The following HNRNPC variants were observed in gnomAD, a reference collection of about 807,000 sequenced individuals.
HNRNPC encodes the protein heterogeneous nuclear ribonucleoprotein C, also known as heterogeneous nuclear ribonucleoproteins C1/C2.
In HNRNPC, 3 loss-of-function variants were observed where a neutral mutation model predicts 33.2. That is an observed-to-expected ratio of 0.09 (90% CI 0.04 to 0.23). HNRNPC has a LOEUF of 0.23. HNRNPC is among the 10% of genes least tolerant of loss of function. The pLI, the probability that HNRNPC is intolerant of heterozygous loss-of-function variation, is 1.00. For missense variants in HNRNPC, 143 were observed against 366.7 expected (o/e 0.39, Z 4.98); for synonymous variants, 121 against 126.7 (o/e 0.96, Z 0.30).
intron 2 of HNRNPC, among the ~76,000 whole-genome samples, chr14:21,248,771 G>T (rs1283161631): frequency 1.3e-5 from 2 of 152,192 alleles, no homozygotes; most frequent in Non-Finnish European, 2.9e-5. Context: ...TGGTCCGTAT[G>T]AACCCATACT....
At chr14:21,226,967 T>C (rs1201204302) in intron 5 of HNRNPC, among the ~76,000 whole-genome samples, 1 of 151,498 alleles carries the variant, frequency 6.6e-6, no homozygotes, top group Non-Finnish European at 1.5e-5. Context: ...AGAGCCAATT[T>C]CCCATCTTCT....
intron 2 of HNRNPC, among the ~76,000 whole-genome samples, chr14:21,260,799 C>T (rs1878103786): frequency 1.3e-5 from 2 of 152,024 alleles, no homozygotes; most frequent in South Asian, 2.1e-4. Flanking sequence ...CTCGTCACTA[C>T]TAAAAATACA....
At chr14:21,242,568 T>C (rs552481407) in intron 2 of HNRNPC, among the ~76,000 whole-genome samples, 19 of 152,340 alleles carry the variant, frequency 1.2e-4, no homozygotes, top group Non-Finnish European at 2.8e-4. Flanking sequence ...GTACTGTCGA[T>C]GTATGCTAAA....
At chr14:21,235,385 CAT>C (rs989690027) in intron 2 of HNRNPC, among the ~76,000 whole-genome samples, 6 of 152,042 alleles carry the variant, frequency 3.9e-5, no homozygotes, top group African/African-American at 1.4e-4. Context: ...CTAATGTATA[CAT>C]ATATGTACAT....
At chr14:21,265,551 G>GT (rs1566652335) in intron 1 of HNRNPC, 1 of 152,194 alleles carries the variant, frequency 6.6e-6, no homozygotes, top group South Asian at 2.1e-4. Flanking sequence ...GCTCACACCT[G>GT]TAATCCCAGC....
intron 5 of HNRNPC, among the ~76,000 whole-genome samples, chr14:21,226,805 A>T (rs1196011775): frequency 2.1e-5 from 3 of 145,068 alleles, no homozygotes; most frequent in Non-Finnish European, 3.0e-5. Context: ...GCCTGAACCC[A>T]GGAGGCAGAG....
intron 2 of HNRNPC, among the ~76,000 whole-genome samples, chr14:21,241,382 T>C (rs1433935455): frequency 6.6e-6 from 1 of 152,180 alleles, no homozygotes; most frequent in Non-Finnish European, 1.5e-5. Flanking sequence ...TTTCCCTTCT[T>C]TGCAGAATTT....
In HNRNPC at chr14:21,213,120, A is replaced by G; in HGVS notation, c.366-3T>C. On this transcript the variant is annotated splice_region_variant and splice_polypyrimidine_tract_variant and intron_variant, in intron 5 of 8. Coordinates refer to ENST00000553300, the MANE Select transcript of HNRNPC (RefSeq NM_004500.4). ...CACGTGCTGGGTAACTGTACATCCT[A>G]TTGGATAAGAGGAAAATGGAATTCA... 1 of 1,613,598 alleles carries G rather than the reference A, an allele frequency of 6.2e-7. No individual in the cohort carries two copies. Among genetic ancestry groups the G allele is most frequent in the East Asian group, 2.2e-5 (1 of 44,874 alleles).
At chr14:21,227,197 C>T (rs1893564550) in intron 5 of HNRNPC, among the ~76,000 whole-genome samples, 1 of 152,042 alleles carries the variant, frequency 6.6e-6, no homozygotes, top group South Asian at 2.1e-4. Flanking sequence ...CTGCCCCTCT[C>T]CCCACTAAAC....
chr14:21,246,255 A>G (rs543684076), intron 2 of HNRNPC, among the ~76,000 whole-genome samples: 1 of 152,224 alleles, frequency 6.6e-6, no homozygotes, highest in Admixed American at 6.5e-5. Context: ...CTAGCCATCT[A>G]TGAAAATAAA....
chr14:21,246,160 G>T (rs962347249), intron 2 of HNRNPC, among the ~76,000 whole-genome samples: 2 of 151,714 alleles, frequency 1.3e-5, no homozygotes, highest in African/African-American at 4.8e-5. Context: ...TAATATATGT[G>T]GTCTGTCATT....
chr14:21,237,042 TTTTAGAAAAGCAGTTAAAA>T (rs1437372301), intron 2 of HNRNPC, among the ~76,000 whole-genome samples: 1 of 152,100 alleles, frequency 6.6e-6, no homozygotes, highest in African/African-American at 2.4e-5. Flanking sequence ...AGGAACGAAA[TTTTAGAAAAGCAGTTAAAA>T]CTTAGAAGTT....
chr14:21,257,448 T>C (rs1389751782), intron 2 of HNRNPC, among the ~76,000 whole-genome samples: 2 of 151,914 alleles, frequency 1.3e-5, no homozygotes, highest in African/African-American at 2.4e-5. Flanking sequence ...TCAAGTGAGA[T>C]GAGGATTGAA....
intron 5 of HNRNPC, among the ~76,000 whole-genome samples, chr14:21,229,364 G>A (rs867414648): frequency 2.5e-5 from 2 of 80,516 alleles, no homozygotes; most frequent in Non-Finnish European, 4.4e-5. Context: ...GAGCGAGACT[G>A]TCTCAAAAAA....
chr14:21,262,079 T>A (rs145139415), intron 2 of HNRNPC, among the ~76,000 whole-genome samples: 45 of 152,320 alleles, frequency 3.0e-4, no homozygotes, highest in Non-Finnish European at 5.6e-4. Context: ...TTAAACAGAT[T>A]TCCCTGCTTT....
intron 2 of HNRNPC, among the ~76,000 whole-genome samples, chr14:21,250,269 T>C (rs1375783459): frequency 6.6e-6 from 1 of 151,404 alleles, no homozygotes; most frequent in Non-Finnish European, 1.5e-5. Context: ...AAAAAAGAAA[T>C]CCACATTTAA....
intron 5 of HNRNPC, among the ~76,000 whole-genome samples, chr14:21,218,443 C>A (rs963980786): frequency 9.3e-5 from 14 of 149,782 alleles, no homozygotes; most frequent in African/African-American, 2.9e-4. Flanking sequence ...CCCAGCACTT[C>A]CGGAGGCCGA....
intron 5 of HNRNPC, 190 bp from the exon 6 acceptor site, chr14:21,213,307 G>A: frequency 5.2e-6 from 3 of 575,116 alleles, no homozygotes; most frequent in East Asian, 3.0e-5. Context: ...CTTTACCTAG[G>A]CACATAAAAT....
chr14:21,245,211 A>C (rs1011127956), intron 2 of HNRNPC, among the ~76,000 whole-genome samples: 1 of 152,108 alleles, frequency 6.6e-6, no homozygotes, highest in African/African-American at 2.4e-5. Context: ...GATTTCAAAA[A>C]TGGGCTGGGA....
Sources: gnomAD v4.1 joint callset for allele counts (sites outside exome capture counted in the v4.1 genomes callset) on GRCh38, gnomAD v4.1.1 for gene constraint, MANE v1.5 for transcripts, NCBI Gene and HGNC (gene_info 2026-07-23, HGNC 2026-07-21) for gene names.